Variants in ANK3 observed in about 807,000 individuals in gnomAD.
The protein encoded by ANK3 is ankyrin 3, also known as ankyrin-3.
ANK3 carries 57 observed loss-of-function variants against 370.9 expected under a neutral mutation model. The ratio of observed to expected loss-of-function variants is 0.15; its 90% confidence interval spans 0.12 to 0.19. The LOEUF is 0.19. Among genes scored for constraint, ANK3 ranks in the 10% least tolerant of loss-of-function variants. The pLI, the probability that ANK3 is intolerant of heterozygous loss-of-function variation, is 1.00. For missense variants in ANK3, 4,439 were observed against 5,302.1 expected, an observed-to-expected ratio of 0.84 and a Z score of 5.06; for synonymous variants, 1,929 against 1,946.3, an observed-to-expected ratio of 0.99 and a Z score of 0.23.
intron 21 of ANK3, among the ~76,000 whole-genome samples, chr10:60,169,305 C>T (rs2095708946): frequency 6.7e-6 from 1 of 148,922 alleles, no homozygotes; most frequent in Non-Finnish European, 1.5e-5. Flanking sequence ...TTTTTGATGA[C>T]CTTGACAGTT....
chr10:60,487,324 A>G lies in ANK3; in HGVS notation c.96+127862T>C, dbSNP rs72807933. On this transcript the variant is annotated intron_variant, in intron 2 of 43. Coordinates refer to the ANK3 transcript ENST00000373827. ...CGCAAAGAAGAAAAGTAAGATATTT[A>G]GGAGTCCTCACAAAGAAATCAAATA... is the stretch of plus-strand genomic sequence containing the variant. Among the ~76,000 whole-genome samples, 803 of 152,350 alleles carry G rather than the reference A, an allele frequency of 5.3e-3. 4 individuals are homozygous for G. Among genetic ancestry groups the G allele is most frequent in the South Asian group, 0.012 (59 of 4,830 alleles).
At chr10:60,419,683 G>A (rs149557754) in intron 2 of ANK3, among the ~76,000 whole-genome samples, 1 of 152,180 alleles carries the variant, frequency 6.6e-6, no homozygotes, top group African/African-American at 2.4e-5. Flanking sequence ...GCCTACCTAA[G>A]CCTGCCTTCT....
At chr10:60,429,751 C>A (rs1036375188) in intron 2 of ANK3, among the ~76,000 whole-genome samples, 1 of 152,142 alleles carries the variant, frequency 6.6e-6, no homozygotes, top group African/African-American at 2.4e-5. Context: ...TTTCATCACA[C>A]GAGTGCTGGA....
At chr10:60,176,608 A>C (rs147559160) in intron 18 of ANK3, among the ~76,000 whole-genome samples, 4 of 152,086 alleles carry the variant, frequency 2.6e-5, no homozygotes, top group African/African-American at 4.8e-5. Flanking sequence ...CTAAAAATAC[A>C]AAAAATTAGC....
chr10:60,396,059 G>T (rs1008385956), intron 2 of ANK3, among the ~76,000 whole-genome samples: 3 of 152,088 alleles, frequency 2.0e-5, no homozygotes, highest in Non-Finnish European at 4.4e-5. Context: ...TTACGCCCTG[G>T]CTACTACTGT....
Position 60,074,829 on chromosome 10 carries a change from C to T in ANK3, c.6052G>A (p.Val2018Ile). Residue 2018 changes from valine (V) to isoleucine (I), a missense_variant, in exon 37 of 44, where the codon GTA (valine) becomes ATA (isoleucine). This residue lies in a region of ANK3 where 679 missense variants were observed against 791.0 expected (regional missense o/e 0.86). Coordinates refer to ENST00000280772, the MANE Select transcript of ANK3 (RefSeq NM_020987.5). ...QSPSLPERVQ[V>I]KAKAASEKDY... ...TTTTCGGAGGCGGCTTTTGCTTTTA[C>T]TTGCACTCTCTCTGGCAGAGATGGA... is the stretch of plus-strand genomic sequence containing the variant. 2 of 1,613,712 alleles carry T rather than the reference C, an allele frequency of 1.2e-6. No homozygotes were observed. The highest frequency in any genetic ancestry group is 1.7e-4 in the Middle Eastern group (1 of 6,050).
intron 1 of ANK3, among the ~76,000 whole-genome samples, chr10:60,693,440 G>T (rs2079389352): frequency 6.6e-6 from 1 of 152,226 alleles, no homozygotes; most frequent in African/African-American, 2.4e-5. Flanking sequence ...CTCCACCTCT[G>T]GGGGCAGGGA....
chr10:60,602,567 A>G (rs897269153), intron 2 of ANK3, among the ~76,000 whole-genome samples: 1 of 152,118 alleles, frequency 6.6e-6, no homozygotes, highest in East Asian at 1.9e-4. Flanking sequence ...TTTAGATTTT[A>G]TGTCAATGGG....
chr10:60,685,080 T>A, intron 1 of ANK3: 1 of 1,166,076 alleles, frequency 8.6e-7, no homozygotes, highest in Non-Finnish European at 1.2e-6. Context: ...AAAAGATGAA[T>A]ATCAATACCT....
At chr10:60,194,734 G>A (rs768871846) in intron 16 of ANK3, among the ~76,000 whole-genome samples, 11 of 152,126 alleles carry the variant, frequency 7.2e-5, no homozygotes, top group Non-Finnish European at 1.5e-4. Flanking sequence ...GTTTTATCAA[G>A]TCACATTGTG....
At chr10:60,111,462 G>T (rs1005749938) in intron 26 of ANK3, among the ~76,000 whole-genome samples, 1 of 152,124 alleles carries the variant, frequency 6.6e-6, no homozygotes, top group African/African-American at 2.4e-5. Context: ...ACAAACTCAT[G>T]TCTTACATAT....
At chr10:60,140,482 C>T in intron 23 of ANK3, 2 of 1,591,406 alleles carry the variant, frequency 1.3e-6, no homozygotes, top group South Asian at 1.2e-5. Flanking sequence ...GGTTTGTATC[C>T]ACTCTCTTCA....
intron 2 of ANK3, among the ~76,000 whole-genome samples, chr10:60,551,073 A>G (rs1227601996): frequency 2.6e-5 from 4 of 152,140 alleles, no homozygotes; most frequent in Non-Finnish European, 4.4e-5. Context: ...TACTGGCTCT[A>G]TTTTCAATAT....
chr10:60,300,942 C>T (rs1215886364), intron 1 of ANK3, among the ~76,000 whole-genome samples: 5 of 151,940 alleles, frequency 3.3e-5, no homozygotes, highest in Non-Finnish European at 7.4e-5. Context: ...CTCACACAGA[C>T]ACACATGCAC....
chr10:60,349,632 C>CT (rs1377999516), intron 1 of ANK3, among the ~76,000 whole-genome samples: 1 of 152,088 alleles, frequency 6.6e-6, no homozygotes, highest in Non-Finnish European at 1.5e-5. Context: ...ACGAATAACT[C>CT]TATTTATCTG....
chr10:60,616,183 A>G (rs1192070533), intron 1 of ANK3, among the ~76,000 whole-genome samples: 1 of 152,168 alleles, frequency 6.6e-6, no homozygotes. Context: ...GCTTCCAATA[A>G]AGAAAAAAAT....
At chr10:60,340,308 A>G (rs1480662144) in intron 1 of ANK3, among the ~76,000 whole-genome samples, 1 of 152,208 alleles carries the variant, frequency 6.6e-6, no homozygotes, top group Admixed American at 6.5e-5. Flanking sequence ...ATTATAGCTC[A>G]TTGCATCTTT....
At chr10:60,489,488 T>C (rs972381000) in intron 2 of ANK3, among the ~76,000 whole-genome samples, 2 of 152,156 alleles carry the variant, frequency 1.3e-5, no homozygotes, top group Non-Finnish European at 2.9e-5. Context: ...AAAAATTAAA[T>C]TAAAACCATC....
chr10:60,335,951 G>T (rs112331159), intron 1 of ANK3, among the ~76,000 whole-genome samples: 5,323 of 152,150 alleles, frequency 0.035, 306 homozygotes, highest in African/African-American at 0.12. Context: ...GCCAATAGAC[G>T]AGAATTTTAA....
Sources: gnomAD v4.1 joint callset for allele counts (sites outside exome capture counted in the v4.1 genomes callset) on GRCh38, gnomAD v4.1.1 for gene constraint, gnomAD v4.1.1 regional missense constraint, MANE v1.5 for transcripts, NCBI Gene and HGNC (gene_info 2026-07-23, HGNC 2026-07-21) for gene names.